Variants in RCAN2 observed in about 807,000 individuals in gnomAD.
The protein encoded by RCAN2 is regulator of calcineurin 2.
A neutral mutation model predicts 23.6 loss-of-function variants in RCAN2; 9 were observed. The ratio of observed to expected loss-of-function variants is 0.38; its 90% CI spans 0.23 to 0.67. The LOEUF (loss-of-function observed/expected upper bound fraction) is 0.67, where lower values mean the gene tolerates loss of function less well. Among genes scored for constraint, RCAN2 ranks in the 30% least tolerant of loss-of-function variants. The pLI is 0.51. For missense variants in RCAN2, 273 were observed against 302.3 expected (o/e 0.90, Z 0.72); for synonymous variants, 109 against 115.7 (o/e 0.94, Z 0.37).
chr6:46,410,106 T>G (rs1023962244), intron 2 of RCAN2, among the ~76,000 whole-genome samples: 3 of 152,164 alleles, frequency 2.0e-5, no homozygotes, highest in Non-Finnish European at 4.4e-5. Context: ...TTCTGGTATT[T>G]GCACCAGTGA....
At chr6:46,267,615 G>A (rs1026466032) in intron 2 of RCAN2, among the ~76,000 whole-genome samples, 15 of 152,174 alleles carry the variant, frequency 9.9e-5, no homozygotes, top group African/African-American at 3.6e-4. Flanking sequence ...AGCCTGGGAA[G>A]TTGAGGCTGA....
At chr6:46,315,566 G>A (rs1164404232) in intron 2 of RCAN2, among the ~76,000 whole-genome samples, 2 of 152,132 alleles carry the variant, frequency 1.3e-5, no homozygotes, top group African/African-American at 4.8e-5. Context: ...AGAGTGAAAG[G>A]GGGAGAGGTG....
intron 2 of RCAN2, among the ~76,000 whole-genome samples, chr6:46,446,168 A>G (rs1767699177): frequency 1.3e-5 from 2 of 151,896 alleles, no homozygotes; most frequent in Non-Finnish European, 2.9e-5. Context: ...AAGCAAGAAA[A>G]AAAAAAAAAG....
At chr6:46,396,985 C>A (rs930562527) in intron 2 of RCAN2, among the ~76,000 whole-genome samples, 1 of 152,000 alleles carries the variant, frequency 6.6e-6, no homozygotes, top group African/African-American at 2.4e-5. Context: ...GTGGCATGCT[C>A]CTGTAATCCT....
intron 4 of RCAN2, among the ~76,000 whole-genome samples, chr6:46,229,896 C>T (rs1374005851): frequency 6.6e-6 from 1 of 152,170 alleles, no homozygotes; most frequent in Non-Finnish European, 1.5e-5. Flanking sequence ...GGTTTCTCCC[C>T]ATCTTTGTGG....
chr6:46,269,281 G>C (rs75794245), intron 2 of RCAN2, among the ~76,000 whole-genome samples: 1,976 of 151,930 alleles, frequency 0.013, 43 homozygotes, highest in African/African-American at 0.045. Flanking sequence ...TTATTTTTCA[G>C]ATCATTAACT....
intron 4 of RCAN2, 128 bp from the exon 5 acceptor site, chr6:46,223,429 G>A: frequency 1.2e-6 from 1 of 801,514 alleles, no homozygotes; most frequent in Non-Finnish European, 2.0e-6. Context: ...CTTATGCAGG[G>A]ATGGCACAGG....
rs535902214 is a variant in RCAN2, at chr6:46,340,156, C to T, written c.226-91260G>A. Among the ~76,000 whole-genome samples, 16 of 152,262 alleles carry T rather than the reference C, an allele frequency of 1.1e-4. No individual in the cohort carries two copies. In the South Asian group the frequency reaches 3.3e-3, roughly 32 times the overall value. The stretch of plus-strand genomic sequence containing the variant: ...ATGGACAGATTATTTCTGAGATCTT[C>T]TACCCTAGTTGCAGCTCCACTTGCT... On this transcript the variant is annotated intron_variant, in intron 2 of 4. Coordinates refer to ENST00000371374, the MANE Select transcript of RCAN2 (RefSeq NM_001251974.2).
chr6:46,267,033 A>G (rs562320976), intron 2 of RCAN2, among the ~76,000 whole-genome samples: 1 of 152,332 alleles, frequency 6.6e-6, no homozygotes, highest in Admixed American at 6.5e-5. Flanking sequence ...AAACAAAAAA[A>G]CAGGTCTAGG....
chr6:46,343,869 G>T (rs371443650), intron 2 of RCAN2, among the ~76,000 whole-genome samples: 1 of 152,136 alleles, frequency 6.6e-6, no homozygotes, highest in Non-Finnish European at 1.5e-5. Context: ...CAACTGGTGA[G>T]CAGATAATCA....
chr6:46,471,107 GA>G (rs1259197106), intron 1 of RCAN2, among the ~76,000 whole-genome samples: 3 of 152,208 alleles, frequency 2.0e-5, no homozygotes, highest in Non-Finnish European at 4.4e-5. Flanking sequence ...AAGGAAGAGA[GA>G]GTGTACAAGA....
chr6:46,405,955 G>C lies in RCAN2; in HGVS notation c.225+50797C>G, dbSNP rs1050667899. On this transcript the variant is annotated intron_variant, in intron 2 of 4. Coordinates refer to ENST00000371374, the MANE Select transcript of RCAN2 (RefSeq NM_001251974.2). ...CTGGCAAGAGATCGAGCACAGCGCCGGTGGGTTGGCACTGCTGGGGGACCC... is the reference window on the plus strand; with the variant it reads ...CTGGCAAGAGATCGAGCACAGCGCCCGTGGGTTGGCACTGCTGGGGGACCC... Among the ~76,000 whole-genome samples the C allele has an allele frequency of 4.6e-5, 7 of 152,214 alleles. No individual in the cohort carries two copies. The East Asian group carries it at 7.7e-4, about 17-fold the overall frequency.
intron 1 of RCAN2, among the ~76,000 whole-genome samples, chr6:46,466,754 C>G (rs746492182): frequency 1.8e-4 from 28 of 152,144 alleles, no homozygotes; most frequent in Non-Finnish European, 4.1e-4. Context: ...GCCTCATCAA[C>G]GCTGAAAAAA....
chr6:46,276,263 T>C (rs1430884864), intron 2 of RCAN2, among the ~76,000 whole-genome samples: 1 of 152,056 alleles, frequency 6.6e-6, no homozygotes, highest in Non-Finnish European at 1.5e-5. Context: ...TGTGTAGAAT[T>C]CTAGTGGATA....
intron 2 of RCAN2, among the ~76,000 whole-genome samples, chr6:46,426,306 T>C (rs1181479199): frequency 6.6e-6 from 1 of 152,236 alleles, no homozygotes; most frequent in Non-Finnish European, 1.5e-5. Context: ...TTTCTAAACA[T>C]AGATAAAATG....
intron 2 of RCAN2, among the ~76,000 whole-genome samples, chr6:46,382,503 C>T (rs185866924): frequency 6.6e-6 from 1 of 152,288 alleles, no homozygotes; most frequent in African/African-American, 2.4e-5. Flanking sequence ...CTCCACTGAA[C>T]TCAGGCAAAT....
At chr6:46,226,707 A>T (rs1258946095) in intron 4 of RCAN2, among the ~76,000 whole-genome samples, 4 of 152,120 alleles carry the variant, frequency 2.6e-5, no homozygotes, top group African/African-American at 9.7e-5. Context: ...GGGTTTTCTA[A>T]ATATACAATC....
chr6:46,224,376 C>A (rs926653871), intron 4 of RCAN2, among the ~76,000 whole-genome samples: 1 of 152,220 alleles, frequency 6.6e-6, no homozygotes, highest in Admixed American at 6.5e-5. Flanking sequence ...GTTAGTGGCT[C>A]TCTAGATCTC....
chr6:46,455,634 A>G (rs940662933), intron 2 of RCAN2, among the ~76,000 whole-genome samples: 1 of 152,046 alleles, frequency 6.6e-6, no homozygotes, highest in Non-Finnish European at 1.5e-5. Context: ...AGGCAGGCAG[A>G]TTACGAGGTC....
Sources: gnomAD v4.1 joint callset for allele counts (sites outside exome capture counted in the v4.1 genomes callset) on GRCh38, gnomAD v4.1.1 for gene constraint, MANE v1.5 for transcripts, NCBI Gene and HGNC (gene_info 2026-07-23, HGNC 2026-07-21) for gene names.